The following OTUD7A variants were observed in gnomAD, a reference collection of about 807,000 sequenced individuals.
OTUD7A encodes OTU deubiquitinase 7A.
In OTUD7A, 12 loss-of-function variants were observed where a neutral mutation model predicts 65.7. The observed-to-expected ratio is 0.18, with a 90% CI of 0.12 to 0.30. The LOEUF is 0.30. OTUD7A is among the 10% of genes least tolerant of loss of function. The probability of loss-of-function intolerance (pLI) is 1.00; values close to 1 mark genes in which losing one functional copy is unlikely to be tolerated. For synonymous variants in OTUD7A, 641 were observed against 586.3 expected, an observed-to-expected ratio of 1.09 and a Z score of -1.35; for missense variants, 1,148 against 1,304.8, an observed-to-expected ratio of 0.88 and a Z score of 1.85.
chr15:31,660,325 T>C (rs746338004), intron 1 of OTUD7A, among the ~76,000 whole-genome samples: 1 of 152,212 alleles, frequency 6.6e-6, no homozygotes. Flanking sequence ...GCCCATCCCT[T>C]GCCAGACGCC....
Position 31,570,138 on chromosome 15 carries a change from T to G in OTUD7A, c.211A>C (p.Thr71Pro), listed in dbSNP as rs767260024. 1.4e-4 allele frequency: 233 copies of G among 1,614,090 alleles called. No homozygotes were observed. Among genetic ancestry groups the G allele is most frequent in the Non-Finnish European group, 2.2e-5 (26 of 1,180,038 alleles). Residue 71 changes from threonine (T) to proline (P), a missense_variant, in exon 4 of 13, where the codon ACA (threonine) becomes CCA (proline). Coordinates refer to ENST00000307050, the MANE Select transcript of OTUD7A (RefSeq NM_001382637.1). ...SDYEQLRQVH[T>P]ANLPHVFNEG... ...TTGAACACATGTGGCAGATTGGCTGTGTGCACCTGGCGGAGCTGCTCATAG... is the reference window on the plus strand; with the variant it reads ...TTGAACACATGTGGCAGATTGGCTGGGTGCACCTGGCGGAGCTGCTCATAG...
chr15:31,542,848 G>A (rs971758033), intron 5 of OTUD7A, among the ~76,000 whole-genome samples: 14 of 151,466 alleles, frequency 9.2e-5, no homozygotes, highest in African/African-American at 3.4e-4. Context: ...TCTTCAATGT[G>A]CTGAATGAAA....
At chr15:31,656,291 G>A (rs979454400) in intron 2 of OTUD7A, among the ~76,000 whole-genome samples, 26 of 152,326 alleles carry the variant, frequency 1.7e-4, no homozygotes, top group Admixed American at 5.2e-4. Flanking sequence ...AATCTTTGCC[G>A]GTGGAGTGCA....
chr15:31,837,808 T>C (rs1464374659), intron 1 of OTUD7A, among the ~76,000 whole-genome samples: 1 of 152,204 alleles, frequency 6.6e-6, no homozygotes, highest in Non-Finnish European at 1.5e-5. Flanking sequence ...GGCAAAGAAG[T>C]TGGAATAGCT....
At chr15:31,730,764 C>T (rs183118291) in intron 1 of OTUD7A, among the ~76,000 whole-genome samples, 91 of 152,288 alleles carry the variant, frequency 6.0e-4, no homozygotes, top group African/African-American at 2.1e-3. Flanking sequence ...AACATGGGGG[C>T]GGTGGCAGGA....
chr15:31,633,280 T>C (rs1891235943), intron 3 of OTUD7A, among the ~76,000 whole-genome samples: 1 of 152,166 alleles, frequency 6.6e-6, no homozygotes, highest in Non-Finnish European at 1.5e-5. Context: ...CCCCTGTATT[T>C]GTTTTAAACC....
At chr15:31,691,091 G>A (rs1480999344) in intron 1 of OTUD7A, among the ~76,000 whole-genome samples, 1 of 152,166 alleles carries the variant, frequency 6.6e-6, no homozygotes, top group African/African-American at 2.4e-5. Context: ...TCAACAGGAA[G>A]AACCTGAAAA....
intron 1 of OTUD7A, among the ~76,000 whole-genome samples, chr15:31,817,282 C>CT (rs1040840252): frequency 2.0e-5 from 3 of 149,790 alleles, no homozygotes; most frequent in African/African-American, 4.9e-5. Context: ...TTTGCCCCCC[C>CT]CCATCACTCA....
intron 5 of OTUD7A, among the ~76,000 whole-genome samples, chr15:31,546,852 CA>C (rs1888146535): frequency 6.6e-6 from 1 of 152,170 alleles, no homozygotes. Context: ...TAATGATAAG[CA>C]GAAGAATCCA....
chr15:31,817,275 G>GCCCCC (rs71424623), intron 1 of OTUD7A, among the ~76,000 whole-genome samples: 6 of 143,546 alleles, frequency 4.2e-5, no homozygotes, highest in African/African-American at 1.3e-4. Flanking sequence ...TAGATCATTT[G>GCCCCC]CCCCCCCCCA....
intron 1 of OTUD7A, among the ~76,000 whole-genome samples, chr15:31,854,567 T>G (rs1897518281): frequency 6.6e-6 from 1 of 152,204 alleles, no homozygotes; most frequent in South Asian, 2.1e-4. Flanking sequence ...GGTTCTCATC[T>G]TTCTGCCTCC....
Position 31,487,424 on chromosome 15 carries a change from TG to T in OTUD7A, c.1286+27del. On this transcript the variant is annotated intron_variant, in intron 11 of 12. Coordinates refer to ENST00000307050, the MANE Select transcript of OTUD7A (RefSeq NM_001382637.1). The surrounding 1 kb of genome is among the most constrained non-coding windows in gnomAD (Gnocchi z 6.0). ...CAGCCATAGCCCTCCCTGTGGGCGC[TG>T]GGGAAAGGGACAGAGTAGGATCTTA... The T allele has an allele frequency of 6.2e-7, 1 of 1,608,624 alleles. No individual in the cohort carries two copies. The highest frequency in any genetic ancestry group is 8.5e-7 in the Non-Finnish European group (1 of 1,176,270).
chr15:31,833,655 AG>A (rs1319793910), intron 1 of OTUD7A, among the ~76,000 whole-genome samples: 1 of 152,252 alleles, frequency 6.6e-6, no homozygotes, highest in East Asian at 1.9e-4. Flanking sequence ...TCAATATAAA[AG>A]TGTTGTAGTT....
chr15:31,719,282 C>G (rs1893673371), intron 1 of OTUD7A, among the ~76,000 whole-genome samples: 1 of 151,714 alleles, frequency 6.6e-6, no homozygotes, highest in Non-Finnish European at 1.5e-5. Flanking sequence ...TTGTTGGCTC[C>G]AACATACTCC....
intron 1 of OTUD7A, among the ~76,000 whole-genome samples, chr15:31,757,338 G>A (rs1450152641): frequency 2.0e-5 from 3 of 149,486 alleles, no homozygotes; most frequent in African/African-American, 4.9e-5. Flanking sequence ...GGGATGAAAT[G>A]AAATAATATA....
chr15:31,487,619 G>A lies in OTUD7A; in HGVS notation c.1172-53C>T. On this transcript the variant is annotated intron_variant, in intron 10 of 12. Transcript: ENST00000307050. The surrounding 1 kb of genome is among the most constrained non-coding windows in gnomAD (Gnocchi z 6.0). ...TGGAGCCCCGGCAGTCCCCAGGCAG[G>A]ATGGCAAGGAAATTCCCAAGCCAGG... 11 of 1,478,022 alleles carry A rather than the reference G, an allele frequency of 7.4e-6. No homozygotes were observed. The highest frequency in any genetic ancestry group is 9.2e-6 in the Non-Finnish European group (10 of 1,083,242). 91.6% of individuals were successfully genotyped at this position (1,478,022 alleles called of 1,614,324 possible).
chr15:31,651,219 T>TA (rs1187579848), intron 3 of OTUD7A, among the ~76,000 whole-genome samples: 1 of 147,024 alleles, frequency 6.8e-6, no homozygotes, highest in Non-Finnish European at 1.5e-5. Context: ...TTTAATCTAG[T>TA]ATAGCAACAG....
intron 4 of OTUD7A, among the ~76,000 whole-genome samples, chr15:31,566,852 G>GCCATGATTTTAAGCTTCCTGAGGCCTC (rs1566923507): frequency 6.6e-6 from 1 of 152,144 alleles, no homozygotes; most frequent in East Asian, 1.9e-4. Flanking sequence ...CCTGAGGCCT[G>GCCATGATTTTAAGCTTCCTGAGGCCTC]CCATGATTTT....
chr15:31,564,387 G>GTTTTTTTTTTT (rs398026753), intron 4 of OTUD7A, among the ~76,000 whole-genome samples: 3,261 of 119,498 alleles, frequency 0.027, 234 homozygotes, highest in African/African-American at 0.088. Flanking sequence ...TTTGAGGAAG[G>GTTTTTTTTTTT]TTTTTTTTTT....
Sources: gnomAD v4.1 joint callset for allele counts (sites outside exome capture counted in the v4.1 genomes callset) on GRCh38, gnomAD v4.1.1 for gene constraint, Gnocchi (gnomAD v3.1) non-coding constraint, MANE v1.5 for transcripts, NCBI Gene and HGNC (gene_info 2026-07-23, HGNC 2026-07-21) for gene names.